JAKMIP1: variants seen among roughly 807,000 people sequenced by gnomAD.
JAKMIP1 encodes janus kinase and microtubule interacting protein 1, also known as janus kinase and microtubule-interacting protein 1.
A neutral mutation model predicts 113.0 loss-of-function variants in JAKMIP1; 33 were observed. The observed-to-expected ratio is 0.29, with a 90% CI of 0.22 to 0.39. The LOEUF is 0.39. Among genes scored for constraint, JAKMIP1 ranks in the 10% least tolerant of loss-of-function variants. The probability of loss-of-function intolerance (pLI) is 1.00; values close to 1 mark genes in which losing one functional copy is unlikely to be tolerated. For synonymous variants in JAKMIP1, 480 were observed against 459.9 expected, an observed-to-expected ratio of 1.04 and a Z score of -0.56; for missense variants, 813 against 1,080.5, an observed-to-expected ratio of 0.75 and a Z score of 3.47.
intron 12 of JAKMIP1, 137 bp downstream of exon 12, chr4:6,056,560 T>C (rs1716495887): frequency 1.4e-6 from 1 of 690,886 alleles, no homozygotes; most frequent in Middle Eastern, 3.2e-4. Flanking sequence ...TCTCTCCTCA[T>C]GGGAGGTGTG....
intron 18 of JAKMIP1, among the ~76,000 whole-genome samples, chr4:6,039,626 A>G (rs1460556799): frequency 1.3e-5 from 2 of 152,168 alleles, no homozygotes; most frequent in Non-Finnish European, 2.9e-5. Context: ...GTGTAACCAG[A>G]AACGATAGCC....
rs907170830 is a variant in JAKMIP1 at position 6,154,523 on chromosome 4, G to T, written c.-147-41526C>A. Among the ~76,000 whole-genome samples, 3 of 151,222 alleles carry T rather than the reference G, an allele frequency of 2.0e-5. No individual in the cohort carries two copies. Among genetic ancestry groups the T allele is most frequent in the Non-Finnish European group, 4.4e-5 (3 of 67,828 alleles). Reference sequence around the variant, plus strand: ...TTTAAAAAAAAAAAAAAGCAGGGGGGATATAAAAGGAAGAGGATGCATTTC... The same window carrying T: ...TTTAAAAAAAAAAAAAAGCAGGGGGTATATAAAAGGAAGAGGATGCATTTC... On this transcript the variant is annotated intron_variant, in intron 1 of 20. Coordinates refer to ENST00000409021, the MANE Select transcript of JAKMIP1 (RefSeq NM_001099433.2). This position sits in a 1 kb window ranked among gnomAD's most constrained non-coding sequence, Gnocchi z 4.2.
intron 8 of JAKMIP1, among the ~76,000 whole-genome samples, chr4:6,068,382 G>A (rs1718471066): frequency 6.6e-6 from 1 of 152,070 alleles, no homozygotes; most frequent in Non-Finnish European, 1.5e-5. Flanking sequence ...AGGGAAAGAG[G>A]AAGCAGCTCT....
rs976669188 is a variant in JAKMIP1 at position 6,193,773 on chromosome 4, G to A, written c.-148+6480C>T. Among the ~76,000 whole-genome samples, 1 of 152,164 alleles carries A rather than the reference G, an allele frequency of 6.6e-6. No individual in the cohort carries two copies. Among genetic ancestry groups the A allele is most frequent in the African/African-American group, 2.4e-5 (1 of 41,446 alleles). On this transcript the variant is annotated intron_variant, in intron 1 of 20. Transcript: ENST00000409021. This position sits in a 1 kb window ranked among gnomAD's most constrained non-coding sequence, Gnocchi z 6.4. ...TGGGAGGCTGAACTGATGCATTAGTGAGCAGGGGAGGAGAGGGTGGAAGAG... is the reference window on the plus strand; with the variant it reads ...TGGGAGGCTGAACTGATGCATTAGTAAGCAGGGGAGGAGAGGGTGGAAGAG...
intron 2 of JAKMIP1, among the ~76,000 whole-genome samples, chr4:6,109,791 G>A (rs185060250): frequency 3.9e-5 from 6 of 152,230 alleles, no homozygotes; most frequent in African/African-American, 1.2e-4. Context: ...GACAGTGATT[G>A]TGAGATCATA....
rs998063733 is a variant in JAKMIP1 at position 6,194,121 on chromosome 4, T to A, written c.-148+6132A>T. On this transcript the variant is annotated intron_variant, in intron 1 of 20. Transcript: ENST00000409021. The surrounding 1 kb of genome is among the most constrained non-coding windows in gnomAD (Gnocchi z 7.4). ...TCCAAGGAGACAGAGGGCAGATGGA[T>A]GGATGCCGGGGCTGGGAGAGGGGAA... Among the ~76,000 whole-genome samples, 2 of 151,862 alleles carry A rather than the reference T, an allele frequency of 1.3e-5. No homozygotes were observed. Among genetic ancestry groups the A allele is most frequent in the African/African-American group, 2.4e-5 (1 of 41,362 alleles).
intron 5 of JAKMIP1, among the ~76,000 whole-genome samples, chr4:6,083,362 C>T (rs1178579024): frequency 1.3e-5 from 2 of 149,140 alleles, no homozygotes; most frequent in Non-Finnish European, 3.0e-5. Flanking sequence ...GAGATCACAT[C>T]ACCTCACTCA....
chr4:6,027,152 A>G (rs1711962869), intron 20 of JAKMIP1, among the ~76,000 whole-genome samples: 1 of 152,014 alleles, frequency 6.6e-6, no homozygotes, highest in African/African-American at 2.4e-5. Flanking sequence ...TTTTTTTCTT[A>G]CCCTTCTCAG....
intron 16 of JAKMIP1, among the ~76,000 whole-genome samples, chr4:6,048,247 G>A (rs10014909): frequency 0.078 from 11,866 of 152,188 alleles, 1,351 homozygotes; most frequent in African/African-American, 0.25. Flanking sequence ...ATCTGGTGCC[G>A]CTTTTCTGGA....
Position 6,141,110 on chromosome 4 carries a change from G to A in JAKMIP1, c.-147-28113C>T, listed in dbSNP as rs577797448. On this transcript the variant is annotated intron_variant, in intron 1 of 20. Coordinates refer to ENST00000409021, the MANE Select transcript of JAKMIP1 (RefSeq NM_001099433.2). This position sits in a 1 kb window ranked among gnomAD's most constrained non-coding sequence, Gnocchi z 9.4. ...CAGTCACTACCATCCTAATTGTATC[G>A]CGTAGAATGAGAAGCAGCTACCAAC... Among the ~76,000 whole-genome samples the A allele has an allele frequency of 2.3e-4, 35 of 152,310 alleles. No individual in the cohort carries two copies. The highest frequency in any genetic ancestry group is 3.7e-4 in the Non-Finnish European group (25 of 68,040).
intron 1 of JAKMIP1, among the ~76,000 whole-genome samples, chr4:6,198,219 G>A (rs780267153): frequency 5.3e-5 from 8 of 152,322 alleles, no homozygotes; most frequent in Middle Eastern, 3.4e-3. Context: ...CAATCTTTCC[G>A]GCAGAGTCTG....
intron 1 of JAKMIP1, among the ~76,000 whole-genome samples, chr4:6,133,480 A>G (rs190914726): frequency 2.0e-5 from 3 of 152,330 alleles, no homozygotes; most frequent in Admixed American, 6.5e-5. Context: ...AGAGTTCTCA[A>G]AGAAATTAAT....
At chr4:6,107,410 G>A (rs1714133076) in intron 2 of JAKMIP1, among the ~76,000 whole-genome samples, 1 of 152,206 alleles carries the variant, frequency 6.6e-6, no homozygotes. Context: ...CGACTTGGCT[G>A]GGCCACAATG....
chr4:6,034,821 A>C (rs1299441802), intron 19 of JAKMIP1, among the ~76,000 whole-genome samples: 1 of 152,120 alleles, frequency 6.6e-6, no homozygotes, highest in African/African-American at 2.4e-5. Context: ...CAAACAAACA[A>C]ACTAGATGTT....
chr4:6,092,484 A>G (rs1230084050), intron 3 of JAKMIP1, among the ~76,000 whole-genome samples: 1 of 152,224 alleles, frequency 6.6e-6, no homozygotes, highest in Non-Finnish European at 1.5e-5. Context: ...CTGGGAATGC[A>G]CGGGGCTTGG....
intron 8 of JAKMIP1, among the ~76,000 whole-genome samples, chr4:6,068,308 G>GC (rs1253331428): frequency 4.6e-5 from 7 of 152,162 alleles, no homozygotes; most frequent in African/African-American, 1.7e-4. Flanking sequence ...ACCCAGTGGA[G>GC]CCCCCGACAG....
chr4:6,026,326 A>G (rs1711793155), intron 20 of JAKMIP1, 48 bp from the exon 21 acceptor site: 1 of 952,674 alleles, frequency 1.0e-6, no homozygotes, highest in Non-Finnish European at 1.6e-6. Context: ...AGAAAAAGAA[A>G]AGAAAACAGA....
chr4:6,064,291 C>T lies in JAKMIP1; in HGVS notation c.1431+589G>A, dbSNP rs146685517. On this transcript the variant is annotated intron_variant, in intron 9 of 20. Transcript: ENST00000409021. The surrounding 1 kb of genome is among the most constrained non-coding windows in gnomAD (Gnocchi z 4.3). ...TTCACCTGGGGAAGGTGAGTGAGAA[C>T]GAAGCTGGTCTTTGCCCCCTCACGA... 6.0e-4 allele frequency among the ~76,000 whole-genome samples: 91 copies of T among 152,326 alleles called. No individual in the cohort carries two copies. The East Asian group carries it at 0.014, about 24-fold the overall frequency.
intron 1 of JAKMIP1, among the ~76,000 whole-genome samples, chr4:6,123,822 C>A (rs945777407): frequency 3.3e-5 from 5 of 151,990 alleles, no homozygotes; most frequent in Admixed American, 3.3e-4. Flanking sequence ...ACACCCTGTC[C>A]CTAAAACACA....
Sources: allele counts gnomAD v4.1 joint callset (sites outside exome capture counted in the v4.1 genomes callset), GRCh38; gene constraint gnomAD v4.1.1; non-coding constraint Gnocchi (gnomAD v3.1); transcripts MANE v1.5; gene names NCBI Gene and HGNC (gene_info 2026-07-23, HGNC 2026-07-21).